Variants in BLTP1 observed in about 807,000 individuals in gnomAD.
The protein encoded by BLTP1 is bridge-like lipid transfer protein family member 1.
the BLTP1 span, among the ~76,000 whole-genome samples, chr4:122,264,679 T>C: frequency 1.3e-5 from 2 of 152,232 alleles, no homozygotes; most frequent in African/African-American, 4.8e-5. Context: ...TCGTAACAAA[T>C]TGGCTAAGCA....
At chr4:122,164,505 T>G in the BLTP1 span, 9 of 758,660 alleles carry the variant, frequency 1.2e-5, no homozygotes, top group Non-Finnish European at 1.4e-5. Flanking sequence ...GAAGTGAGAC[T>G]GTGTTCTATT....
At chr4:122,207,077 T>C in the BLTP1 span, 1 of 1,559,070 alleles carries the variant, frequency 6.4e-7, no homozygotes, top group African/African-American at 1.4e-5. Flanking sequence ...CAACTAACTT[T>C]ACAATTTCTA....
chr4:122,329,456 A>C, the BLTP1 span, among the ~76,000 whole-genome samples: 1 of 151,270 alleles, frequency 6.6e-6, no homozygotes, highest in South Asian at 2.1e-4. Context: ...CTTTTCTAAC[A>C]ATTTTTCTAG....
At chr4:122,225,070 T>G in the BLTP1 span, 277,222 of 901,372 alleles carry the variant, frequency 0.31, 44,834 homozygotes, top group East Asian at 0.44. Context: ...TTTGTTTTCT[T>G]ACATATGTTT....
the BLTP1 span, chr4:122,273,480 T>C: frequency 3.1e-6 from 3 of 973,738 alleles, no homozygotes; most frequent in South Asian, 4.7e-5. Flanking sequence ...GATGTCTAAG[T>C]TGATATTTAA....
the BLTP1 span, among the ~76,000 whole-genome samples, chr4:122,290,418 T>C: frequency 3.3e-5 from 5 of 152,142 alleles, no homozygotes; most frequent in Non-Finnish European, 7.4e-5. Flanking sequence ...TTTTTTATGA[T>C]AGGAAAGTTG....
chr4:122,308,916 C>T, the BLTP1 span, among the ~76,000 whole-genome samples: 1 of 151,986 alleles, frequency 6.6e-6, no homozygotes, highest in East Asian at 1.9e-4. Flanking sequence ...GTTTGTGTTT[C>T]AGGAACTGAA....
At chr4:122,298,475 A>G in the BLTP1 span, 13 of 191,698 alleles carry the variant, frequency 6.8e-5, no homozygotes, top group Middle Eastern at 2.6e-3. Context: ...TCTCTATAAC[A>G]TAACTCATTC....
the BLTP1 span, chr4:122,208,751 A>G: frequency 2.7e-6 from 2 of 746,472 alleles, no homozygotes; most frequent in African/African-American, 1.9e-5. Context: ...CGAATGCAAA[A>G]TCTGCCATTT....
the BLTP1 span, among the ~76,000 whole-genome samples, chr4:122,296,243 A>T: frequency 1.3e-5 from 2 of 152,256 alleles, no homozygotes; most frequent in African/African-American, 4.8e-5. Context: ...TGCAATGTGC[A>T]AAAATTGCTA....
the BLTP1 span, chr4:122,219,227 TTATTAAA>T: frequency 6.8e-7 from 1 of 1,468,104 alleles, no homozygotes; most frequent in Non-Finnish European, 9.0e-7. Flanking sequence ...TGATGCCTTT[TTATTAAA>T]TATAATAGGT....
the BLTP1 span, chr4:122,226,220 A>C: frequency 6.1e-6 from 1 of 163,196 alleles, no homozygotes; most frequent in African/African-American, 2.4e-5. Flanking sequence ...AAGAATTATG[A>C]TATATACTTA....
the BLTP1 span, chr4:122,203,879 T>C: frequency 2.6e-4 from 122 of 470,684 alleles, no homozygotes; most frequent in Non-Finnish European, 3.1e-4. Flanking sequence ...TTTGTTAAAA[T>C]AGAATTTGGC....
At chr4:122,311,594 T>TA in the BLTP1 span, among the ~76,000 whole-genome samples, 3 of 150,478 alleles carry the variant, frequency 2.0e-5, no homozygotes, top group South Asian at 2.1e-4. Flanking sequence ...AAACATACTC[T>TA]AAAAAAAAAG....
At chr4:122,248,732 T>C in the BLTP1 span, among the ~76,000 whole-genome samples, 1 of 152,032 alleles carries the variant, frequency 6.6e-6, no homozygotes, top group South Asian at 2.1e-4. Flanking sequence ...GCTATTAAAA[T>C]GATATCTTTG....
At chr4:122,326,463 C>T in the BLTP1 span, among the ~76,000 whole-genome samples, 2 of 151,670 alleles carry the variant, frequency 1.3e-5, no homozygotes, top group Admixed American at 6.6e-5. Context: ...CCTTTTGTCA[C>T]TCTCTTCAAG....
At chr4:122,292,690 G>GA in the BLTP1 span, 1 of 649,420 alleles carries the variant, frequency 1.5e-6, no homozygotes, top group Non-Finnish European at 1.9e-6. Context: ...TAAGAAAATG[G>GA]AAATTGATGA....
chr4:122,254,260 A>G, the BLTP1 span: 7 of 1,613,108 alleles, frequency 4.3e-6, no homozygotes, highest in African/African-American at 6.7e-5. Flanking sequence ...CTCCAGATTC[A>G]TGTAGCATGA....
At chr4:122,252,172 C>T in the BLTP1 span, among the ~76,000 whole-genome samples, 9 of 152,156 alleles carry the variant, frequency 5.9e-5, no homozygotes, top group African/African-American at 2.2e-4. Flanking sequence ...TATCATGGGC[C>T]TTGGGTGACC....
Sources: gnomAD v4.1 joint callset for allele counts (sites outside exome capture counted in the v4.1 genomes callset) on GRCh38, gnomAD v4.1.1 for gene constraint, MANE v1.5 for transcripts, NCBI Gene and HGNC (gene_info 2026-07-23, HGNC 2026-07-21) for gene names.